Variants in BANK1 observed in about 807,000 individuals in gnomAD.
BANK1 encodes the protein B cell scaffold protein with ankyrin repeats 1.
Under a neutral mutation model 94.5 loss-of-function variants are expected in BANK1, and 95 were observed. That is an observed-to-expected ratio of 1.00 (90% confidence interval 0.85 to 1.19). BANK1 has a LOEUF of 1.19. Ranked by LOEUF, BANK1 falls within the 50% of genes most tolerant of loss-of-function variation. The probability of loss-of-function intolerance (pLI) is 0.00; values close to 1 mark genes in which losing one functional copy is unlikely to be tolerated. For synonymous variants in BANK1, 334 were observed against 308.4 expected, an observed-to-expected ratio of 1.08 and a Z score of -0.87; for missense variants, 987 against 932.2, an observed-to-expected ratio of 1.06 and a Z score of -0.77.
intron 6 of BANK1, among the ~76,000 whole-genome samples, chr4:101,915,856 A>C (rs970677873): frequency 6.6e-6 from 1 of 152,074 alleles, no homozygotes; most frequent in Non-Finnish European, 1.5e-5. Flanking sequence ...TTATATGTCT[A>C]ATCTTTTGAC....
chr4:101,943,806 G>A (rs1349237930), intron 7 of BANK1, among the ~76,000 whole-genome samples: 1 of 151,792 alleles, frequency 6.6e-6, no homozygotes, highest in South Asian at 2.1e-4. Flanking sequence ...TCATTGTTAT[G>A]AAATGCTCAA....
At chr4:101,890,509 T>C (rs1721824665) in intron 5 of BANK1, among the ~76,000 whole-genome samples, 1 of 150,554 alleles carries the variant, frequency 6.6e-6, no homozygotes, top group African/African-American at 2.4e-5. Flanking sequence ...TTGCATGCTA[T>C]ATCTGTTTTA....
intron 6 of BANK1, among the ~76,000 whole-genome samples, chr4:101,907,151 C>T (rs1236731150): frequency 3.9e-5 from 6 of 152,180 alleles, no homozygotes; most frequent in Non-Finnish European, 5.9e-5. Flanking sequence ...AGGCACAGAT[C>T]ACTCATGCTA....
intron 7 of BANK1, among the ~76,000 whole-genome samples, chr4:101,954,960 T>C (rs1724287478): frequency 6.6e-6 from 1 of 151,970 alleles, no homozygotes; most frequent in African/African-American, 2.4e-5. Flanking sequence ...AATATAAAGG[T>C]CAGTGATAGG....
intron 13 of BANK1, among the ~76,000 whole-genome samples, chr4:102,068,172 G>T (rs113486360): frequency 0.012 from 1,828 of 152,136 alleles, 17 homozygotes; most frequent in Non-Finnish European, 0.018. Context: ...GGTGAAACAA[G>T]TATGTAGTTA....
chr4:101,996,270 C>A (rs1725876313), intron 7 of BANK1, among the ~76,000 whole-genome samples: 1 of 152,146 alleles, frequency 6.6e-6, no homozygotes, highest in Non-Finnish European at 1.5e-5. Flanking sequence ...GGCCTCTGTT[C>A]TGTTCCATTG....
At chr4:102,046,557 T>A (rs1229785781) in intron 11 of BANK1, among the ~76,000 whole-genome samples, 3 of 152,116 alleles carry the variant, frequency 2.0e-5, no homozygotes, top group Admixed American at 2.0e-4. Context: ...GGCAAATGAT[T>A]TGATTCCTCC....
chr4:102,000,618 G>T (rs1401136061), intron 7 of BANK1, among the ~76,000 whole-genome samples: 1 of 151,804 alleles, frequency 6.6e-6, no homozygotes, highest in Non-Finnish European at 1.5e-5. Flanking sequence ...TGCAAAAGGA[G>T]AAAAAGAAAA....
At chr4:101,936,377 A>G (rs1223360399) in intron 7 of BANK1, among the ~76,000 whole-genome samples, 1 of 150,174 alleles carries the variant, frequency 6.7e-6, no homozygotes, top group Non-Finnish European at 1.5e-5. Context: ...ATATGTGTGC[A>G]TACATGCATA....
At chr4:101,969,808 A>G (rs2148922550) in intron 7 of BANK1, among the ~76,000 whole-genome samples, 1 of 152,110 alleles carries the variant, frequency 6.6e-6, no homozygotes, top group East Asian at 1.9e-4. Flanking sequence ...GCTCCACACC[A>G]GCAAAGCAAA....
chr4:101,797,902 A>G (rs1422086469), intron 1 of BANK1, among the ~76,000 whole-genome samples: 1 of 152,246 alleles, frequency 6.6e-6, no homozygotes, highest in African/African-American at 2.4e-5. Context: ...AACAATGAAT[A>G]GGATAACATA....
intron 7 of BANK1, among the ~76,000 whole-genome samples, chr4:101,970,564 C>G (rs1438744142): frequency 6.6e-6 from 1 of 152,098 alleles, no homozygotes; most frequent in Non-Finnish European, 1.5e-5. Flanking sequence ...ACGTAAGATA[C>G]TCTTAACTTT....
intron 7 of BANK1, among the ~76,000 whole-genome samples, chr4:101,998,003 G>C (rs1210308879): frequency 6.6e-6 from 1 of 152,070 alleles, no homozygotes; most frequent in Admixed American, 6.6e-5. Context: ...TGTTAATTGC[G>C]ATGTAAGAGT....
intron 7 of BANK1, among the ~76,000 whole-genome samples, chr4:101,961,474 A>T: frequency 6.6e-6 from 1 of 152,190 alleles, no homozygotes; most frequent in Non-Finnish European, 1.5e-5. Flanking sequence ...GATGAGTGAA[A>T]TCATATTTGT....
At chr4:101,812,176 T>A (rs1332450204) in intron 1 of BANK1, among the ~76,000 whole-genome samples, 1 of 151,848 alleles carries the variant, frequency 6.6e-6, no homozygotes, top group African/African-American at 2.4e-5. Flanking sequence ...AAGATTAGAG[T>A]CATAGATGGG....
intron 1 of BANK1, among the ~76,000 whole-genome samples, chr4:101,798,338 G>GTCAC (rs1337822397): frequency 6.6e-6 from 1 of 152,186 alleles, no homozygotes; most frequent in Non-Finnish European, 1.5e-5. Context: ...TAAGATCAGT[G>GTCAC]TCACGGCAGC....
intron 7 of BANK1, among the ~76,000 whole-genome samples, chr4:101,969,564 T>C (rs1041028167): frequency 6.6e-6 from 1 of 152,084 alleles, no homozygotes; most frequent in East Asian, 1.9e-4. Flanking sequence ...AAGTAAAATA[T>C]TTCCAAATCC....
At chr4:101,896,612 A>G (rs1015858125) in intron 6 of BANK1, among the ~76,000 whole-genome samples, 6 of 151,972 alleles carry the variant, frequency 3.9e-5, no homozygotes, top group African/African-American at 1.4e-4. Context: ...AACAATATGT[A>G]ATTCACTTAC....
In BANK1 at chr4:102,071,403, A is replaced by C. The variant is rs936667019; in HGVS notation, c.2242+99A>C. On this transcript the variant is annotated intron_variant, in intron 14 of 16. Transcript: ENST00000322953. ...TAAACCTAATGTGATTAAGCAAGTC[A>C]GTGTAAACATTCACATAGATTTTAT... 6 of 1,172,236 alleles carry C rather than the reference A, an allele frequency of 5.1e-6. No homozygotes were observed. The African/African-American group carries it at 7.7e-5, about 15-fold the overall frequency. The allele number at this position is 1,172,236 out of a possible 1,614,324, so 72.6% of individuals were successfully genotyped here. A position where few individuals can be genotyped will look rare whatever the true frequency, so the allele number is the denominator to read the frequency against.
Sources: gnomAD v4.1 joint callset for allele counts (sites outside exome capture counted in the v4.1 genomes callset) on GRCh38, gnomAD v4.1.1 for gene constraint, MANE v1.5 for transcripts, NCBI Gene and HGNC (gene_info 2026-07-23, HGNC 2026-07-21) for gene names.